MARCHF3: variants seen among roughly 807,000 people sequenced by gnomAD.
The protein encoded by MARCHF3 is membrane associated ring-CH-type finger 3, also known as E3 ubiquitin-protein ligase MARCHF3.
A neutral mutation model predicts 24.2 loss-of-function variants in MARCHF3; 13 were observed. That is an observed-to-expected ratio of 0.54 (90% CI 0.35 to 0.85). MARCHF3 has a LOEUF of 0.85. Among genes scored for constraint, MARCHF3 ranks in the 40% least tolerant of loss-of-function variants. MARCHF3 has a pLI of 0.01. For missense variants in MARCHF3, 276 were observed against 325.0 expected (o/e 0.85, Z 1.16); for synonymous variants, 144 against 137.3 (o/e 1.05, Z -0.34).
At chr5:126,888,479 TTA>T (rs1274112273) in intron 3 of MARCHF3, among the ~76,000 whole-genome samples, 1 of 152,232 alleles carries the variant, frequency 6.6e-6, no homozygotes, top group Non-Finnish European at 1.5e-5. Flanking sequence ...GCAAATCATT[TTA>T]TATATTCACT....
At chr5:126,883,728 G>C (rs1298773013) in intron 3 of MARCHF3, among the ~76,000 whole-genome samples, 2 of 152,182 alleles carry the variant, frequency 1.3e-5, no homozygotes, top group Admixed American at 6.5e-5. Context: ...GAGGTGCTGT[G>C]TTACAGAACT....
Position 126,945,189 on chromosome 5 carries a change from T to A in MARCHF3, c.-56-26962A>T, listed in dbSNP as rs74633467. On this transcript the variant is annotated intron_variant, in intron 1 of 4. Coordinates refer to ENST00000308660, the MANE Select transcript of MARCHF3 (RefSeq NM_178450.5). ...CTCAGCTTCACATTCAATGAAGCCA[T>A]ATTGATGGCTTGAAATTGGCAATAG... 5.4e-4 allele frequency among the ~76,000 whole-genome samples: 83 copies of A among 152,332 alleles called. 1 individual carries two copies. In the East Asian group the frequency reaches 0.015, roughly 28 times the overall value.
intron 3 of MARCHF3, among the ~76,000 whole-genome samples, chr5:126,907,624 C>G (rs1414127218): frequency 6.7e-6 from 1 of 149,524 alleles, no homozygotes; most frequent in South Asian, 2.2e-4. Flanking sequence ...TCCGTTTTAT[C>G]AGAGACTAGG....
chr5:126,867,780 G>T lies in MARCHF3; in HGVS notation c.*2853C>A, dbSNP rs990043946. On this transcript the variant is annotated 3_prime_UTR_variant, in exon 5 of 5. Transcript: ENST00000308660. Reference sequence around the variant, plus strand: ...TACAGCTCATCTGAGTCTCTGCTGTGTTCTCTGAGGAGCTGTAGAATTTGT... The same window carrying T: ...TACAGCTCATCTGAGTCTCTGCTGTTTTCTCTGAGGAGCTGTAGAATTTGT... 1.3e-5 allele frequency: 2 copies of T among 152,176 alleles called. No homozygotes were observed. Among genetic ancestry groups the T allele is most frequent in the African/African-American group, 4.8e-5 (2 of 41,432 alleles). The allele number at this position is 152,176 out of a possible 1,614,324, so 9.4% of individuals were successfully genotyped here. A position where few individuals can be genotyped will look rare whatever the true frequency, so the allele number is the denominator to read the frequency against.
In MARCHF3 at chr5:126,886,648, T is replaced by C. The variant is rs183418497; in HGVS notation, c.394-8254A>G. 1.5e-3 allele frequency among the ~76,000 whole-genome samples: 223 copies of C among 152,306 alleles called. 1 individual carries two copies. The South Asian group carries it at 0.02, about 13-fold the overall frequency. On this transcript the variant is annotated intron_variant, in intron 3 of 4. Coordinates refer to ENST00000308660, the MANE Select transcript of MARCHF3 (RefSeq NM_178450.5). ...GACTAAAGGATTTCAGGACAACCCT[T>C]TTCTGGGCTTCAGGCTTGTGTGCCC... is the stretch of plus-strand genomic sequence containing the variant.
chr5:126,948,747 G>A (rs534701208), intron 1 of MARCHF3, among the ~76,000 whole-genome samples: 4 of 152,132 alleles, frequency 2.6e-5, no homozygotes, highest in Non-Finnish European at 5.9e-5. Flanking sequence ...TGTACAAAGA[G>A]GATACAAGAA....
intron 3 of MARCHF3, among the ~76,000 whole-genome samples, chr5:126,913,603 C>A (rs1561423125): frequency 6.6e-6 from 1 of 152,234 alleles, no homozygotes; most frequent in East Asian, 1.9e-4. Context: ...GATCTCGACT[C>A]TTAAGCAAAG....
intron 1 of MARCHF3, among the ~76,000 whole-genome samples, chr5:127,004,060 A>C (rs1044192815): frequency 2.0e-5 from 3 of 152,184 alleles, no homozygotes; most frequent in Non-Finnish European, 4.4e-5. Flanking sequence ...GTCCTGGGCA[A>C]GGCAGCTCCA....
intron 1 of MARCHF3, among the ~76,000 whole-genome samples, chr5:126,984,780 A>G (rs1463166150): frequency 6.6e-6 from 1 of 152,250 alleles, no homozygotes; most frequent in Admixed American, 6.5e-5. Flanking sequence ...AAGAGGAGTG[A>G]TAACAGGAAA....
At chr5:126,949,604 T>C (rs909905300) in intron 1 of MARCHF3, among the ~76,000 whole-genome samples, 2 of 152,138 alleles carry the variant, frequency 1.3e-5, no homozygotes, top group African/African-American at 2.4e-5. Flanking sequence ...CAAAGTGGAA[T>C]ACATCCTAGG....
intron 3 of MARCHF3, among the ~76,000 whole-genome samples, chr5:126,906,400 T>C (rs1754297753): frequency 6.6e-6 from 1 of 152,194 alleles, no homozygotes; most frequent in Non-Finnish European, 1.5e-5. Context: ...GGTACCCAGT[T>C]CCTCCTTGTA....
At chr5:127,013,123 T>C (rs1323643827) in intron 1 of MARCHF3, among the ~76,000 whole-genome samples, 1 of 152,192 alleles carries the variant, frequency 6.6e-6, no homozygotes, top group East Asian at 1.9e-4. Flanking sequence ...TGTTCACACA[T>C]GGAAAAGCAC....
At chr5:126,923,055 A>C (rs1749175086) in intron 1 of MARCHF3, among the ~76,000 whole-genome samples, 1 of 152,196 alleles carries the variant, frequency 6.6e-6, no homozygotes, top group African/African-American at 2.4e-5. Context: ...TCTTCCATGA[A>C]AATGCTTAAT....
chr5:126,906,640 A>T (rs1754308681), intron 3 of MARCHF3, among the ~76,000 whole-genome samples: 1 of 152,018 alleles, frequency 6.6e-6, no homozygotes, highest in South Asian at 2.1e-4. Flanking sequence ...GGTAGTTTGT[A>T]TTTCTGTGGG....
intron 4 of MARCHF3, among the ~76,000 whole-genome samples, chr5:126,875,313 A>T (rs1291078510): frequency 6.6e-6 from 1 of 152,120 alleles, no homozygotes; most frequent in Non-Finnish European, 1.5e-5. Flanking sequence ...GGGTGTGTCA[A>T]GGCTGGACCT....
chr5:126,964,707 C>G (rs917734880), intron 1 of MARCHF3, among the ~76,000 whole-genome samples: 1 of 152,160 alleles, frequency 6.6e-6, no homozygotes, highest in African/African-American at 2.4e-5. Flanking sequence ...ATCTCTCAAC[C>G]CAGAGGTCTG....
chr5:126,949,222 T>C (rs547347303), intron 1 of MARCHF3, among the ~76,000 whole-genome samples: 5 of 152,288 alleles, frequency 3.3e-5, no homozygotes, highest in South Asian at 4.1e-4. Flanking sequence ...TAATAAATGA[T>C]ATGAAATCTC....
intron 1 of MARCHF3, among the ~76,000 whole-genome samples, chr5:127,011,128 T>A (rs527917652): frequency 1.3e-5 from 2 of 152,200 alleles, no homozygotes; most frequent in African/African-American, 4.8e-5. Flanking sequence ...ATACCCTGCA[T>A]GAAATAATCC....
chr5:127,004,669 C>A (rs1580477450), intron 1 of MARCHF3, among the ~76,000 whole-genome samples: 1 of 152,260 alleles, frequency 6.6e-6, no homozygotes, highest in East Asian at 1.9e-4. Flanking sequence ...TGCACATAAA[C>A]TCAAAGAGAG....
Sources: allele counts gnomAD v4.1 joint callset (sites outside exome capture counted in the v4.1 genomes callset), GRCh38; gene constraint gnomAD v4.1.1; transcripts MANE v1.5; gene names NCBI Gene and HGNC (gene_info 2026-07-23, HGNC 2026-07-21).